NUDT4: variants seen among roughly 807,000 people sequenced by gnomAD.
NUDT4 encodes diphosphoinositol polyphosphate phosphohydrolase 2.
In NUDT4, 5 loss-of-function variants were observed where a neutral mutation model predicts 23.1. The observed-to-expected ratio is 0.22, with a 90% CI of 0.11 to 0.46. The LOEUF is 0.46. NUDT4 is among the 20% of genes least tolerant of loss of function. The probability of loss-of-function intolerance (pLI) is 0.99; values close to 1 mark genes in which losing one functional copy is unlikely to be tolerated. For missense variants in NUDT4, 96 were observed against 211.6 expected, an observed-to-expected ratio of 0.45 and a Z score of 3.39; for synonymous variants, 50 against 79.0, an observed-to-expected ratio of 0.63 and a Z score of 1.95.
In NUDT4 at chr12:93,407,362, T is replaced by C. The variant is rs1877878009; in HGVS notation, c.*7983T>C. On this transcript the variant is annotated 3_prime_UTR_variant, in exon 5 of 5. Transcript: ENST00000415493. ...ATATGGTCCCCAAAGGAAAGCCCCA[T>C]GCCATTCACTCACCACCTAATCATC... The C allele has an allele frequency of 6.6e-6, 1 of 152,214 alleles. No homozygotes were observed. The highest frequency in any genetic ancestry group is 2.1e-4 in the South Asian group (1 of 4,834). 9.4% of individuals were successfully genotyped at this position (152,214 alleles called of 1,614,324 possible).
chr12:93,383,500 TATG>T (rs1254270340), intron 1 of NUDT4, among the ~76,000 whole-genome samples: 2 of 152,212 alleles, frequency 1.3e-5, no homozygotes, highest in African/African-American at 4.8e-5. Context: ...TACCCTGATT[TATG>T]ATAATTTGGA....
chr12:93,391,145 GAA>G (rs547591581), intron 1 of NUDT4, among the ~76,000 whole-genome samples: 2 of 151,086 alleles, frequency 1.3e-5, no homozygotes, highest in Non-Finnish European at 3.0e-5. Flanking sequence ...GCATTTAAAA[GAA>G]AAAAAAATCA....
At position 93,402,966 on chromosome 12, in the gene NUDT4, A is replaced by C. The variant is rs1213349279; in HGVS notation, c.*3587A>C. The C allele has an allele frequency of 6.6e-6, 1 of 152,078 alleles. No homozygotes were observed. The highest frequency in any genetic ancestry group is 1.5e-5 in the Non-Finnish European group (1 of 68,034). 9.4% of individuals were successfully genotyped at this position (152,078 alleles called of 1,614,324 possible). On this transcript the variant is annotated 3_prime_UTR_variant, in exon 5 of 5. Transcript: ENST00000415493. ...AGGGGTTTCTTAGTTGGAGGGCATGAGAAACTTGGCCCTTTCCAATGTTGT... is the reference window on the plus strand; with the variant it reads ...AGGGGTTTCTTAGTTGGAGGGCATGCGAAACTTGGCCCTTTCCAATGTTGT...
intron 1 of NUDT4, chr12:93,381,158 A>G (rs1875633736): frequency 6.6e-6 from 1 of 152,152 alleles, no homozygotes; most frequent in Non-Finnish European, 1.5e-5. Context: ...TGTAGGGTAA[A>G]TAAGTATTAG....
At chr12:93,397,252 C>T (rs779480867) in intron 3 of NUDT4, among the ~76,000 whole-genome samples, 19 of 152,024 alleles carry the variant, frequency 1.2e-4, no homozygotes, top group Non-Finnish European at 2.1e-4. Flanking sequence ...AGAAATAAAA[C>T]AACTGATTCT....
At chr12:93,391,291 AT>A (rs1227872893) in intron 1 of NUDT4, among the ~76,000 whole-genome samples, 1 of 152,000 alleles carries the variant, frequency 6.6e-6, no homozygotes, top group Non-Finnish European at 1.5e-5. Flanking sequence ...CAGACTGGGC[AT>A]GGTGGCTTAC....
At position 93,378,725 on chromosome 12, in the gene NUDT4, A is replaced by G. The variant is rs1483426783; in HGVS notation, c.99+304A>G. 2.8e-6 allele frequency: 3 copies of G among 1,088,830 alleles called. No homozygotes were observed. The Admixed American group carries it at 1.6e-4, about 56-fold the overall frequency. The allele number at this position is 1,088,830 out of a possible 1,614,324, so 67.4% of individuals were successfully genotyped here. A position where few individuals can be genotyped will look rare whatever the true frequency, so the allele number is the denominator to read the frequency against. On this transcript the variant is annotated intron_variant, in intron 1 of 4. Coordinates refer to ENST00000415493, the MANE Select transcript of NUDT4 (RefSeq NM_019094.6). ...CTCGCCTAGCGGGAGTCACCATCTT[A>G]ACGTGCGAATTGAGTTGAAAGCCGG...
chr12:93,393,383 G>A (rs1241245532), intron 1 of NUDT4, among the ~76,000 whole-genome samples: 1 of 151,854 alleles, frequency 6.6e-6, no homozygotes, highest in South Asian at 2.1e-4. Flanking sequence ...GATTATAGAT[G>A]TGAGCCACCA....
chr12:93,378,872 C>T (rs889434075), intron 1 of NUDT4: 3 of 801,880 alleles, frequency 3.7e-6, no homozygotes, highest in Non-Finnish European at 4.5e-6. Context: ...CGGATTCGAT[C>T]TAAGCATGTT....
Position 93,395,543 on chromosome 12 carries a change from A to T in NUDT4, c.255+10A>T. 6.3e-7 allele frequency: 1 copy of T among 1,595,608 alleles called. No homozygotes were observed. The highest frequency in any genetic ancestry group is 8.6e-7 in the Non-Finnish European group (1 of 1,163,380). On this transcript the variant is annotated intron_variant, in intron 3 of 4. Transcript: ENST00000415493. ...TCTGGGCATATTTGAGGTGAGTTAA[A>T]AAGTAATCTTCACTTTGCTGATAAT...
Position 93,399,364 on chromosome 12 carries a change from A to ATC in NUDT4, c.530_531dup (p.Ser178LeufsTer3). ...CCGCTGCACAGACCTCTGGGTTGCC[A>ATC]TCTAGTGTAAGATAGAGAGAACTGG... On this transcript the variant is annotated frameshift_variant, in exon 5 of 5. Coordinates refer to ENST00000415493, the MANE Select transcript of NUDT4 (RefSeq NM_019094.6). LOFTEE classifies it high-confidence loss of function. The ATC allele has an allele frequency of 1.2e-6, 1 of 807,694 alleles. No homozygotes were observed. Among genetic ancestry groups the ATC allele is most frequent in the Non-Finnish European group, 2.0e-6 (1 of 492,082 alleles). 50.0% of individuals were successfully genotyped at this position (807,694 alleles called of 1,614,324 possible). A position where few individuals can be genotyped will look rare whatever the true frequency, so the allele number is the denominator to read the frequency against.
chr12:93,389,809 G>GA (rs1473907964), intron 1 of NUDT4, among the ~76,000 whole-genome samples: 1 of 150,474 alleles, frequency 6.6e-6, no homozygotes, highest in East Asian at 2.0e-4. Context: ...GCTGAGGGAG[G>GA]GAATTGCTTG....
At chr12:93,382,738 G>A (rs1343580591) in intron 1 of NUDT4, among the ~76,000 whole-genome samples, 2 of 143,556 alleles carry the variant, frequency 1.4e-5, no homozygotes, top group South Asian at 2.2e-4. Flanking sequence ...GTGCAGTGGC[G>A]CGATGTCAGC....
chr12:93,378,751 ATAAACCTCGAGT>A, intron 1 of NUDT4: 3 of 1,046,560 alleles, frequency 2.9e-6, no homozygotes, highest in Non-Finnish European at 3.4e-6. Context: ...TGAAAGCCGG[ATAAACCTCGAGT>A]GCTCAGCGAG....
rs1877651748 is a variant in NUDT4 at position 93,404,015 on chromosome 12, G to A, written c.*4636G>A. On this transcript the variant is annotated 3_prime_UTR_variant, in exon 5 of 5. Coordinates refer to ENST00000415493, the MANE Select transcript of NUDT4 (RefSeq NM_019094.6). ...CCGGTATTACTCTTAATGCATTTTT[G>A]TAACATTTGACAAACATCTCCCAAT... 6.6e-6 allele frequency: 1 copy of A among 152,140 alleles called. No homozygotes were observed. The highest frequency in any genetic ancestry group is 1.5e-5 in the Non-Finnish European group (1 of 68,030). 9.4% of individuals were successfully genotyped at this position (152,140 alleles called of 1,614,324 possible). A position where few individuals can be genotyped will look rare whatever the true frequency, so the allele number is the denominator to read the frequency against.
Position 93,382,674 on chromosome 12 carries a change from C to CTTTTTTTTTTTTTTTTTTTTTTT in NUDT4, c.99+4273_99+4274insTTTTTTTTTTTTTTTTTTTTTTT, listed in dbSNP as rs11315217. Among the ~76,000 whole-genome samples the CTTTTTTTTTTTTTTTTTTTTTTT allele has an allele frequency of 2.1e-4, 23 of 111,646 alleles. 1 individual carries two copies. The highest frequency in any genetic ancestry group is 5.6e-4 in the African/African-American group (16 of 28,472). 73.2% of individuals were successfully genotyped at this position (111,646 alleles called of 152,430 possible). ...AAAATAAGTACTATCCAAAGGTAGC[C>CTTTTTTTTTTTTTTTTTTTTTTT]TTTTTTTTTTTTTTTTTTTTGAGAC... On this transcript the variant is annotated intron_variant, in intron 1 of 4. Coordinates refer to ENST00000415493, the MANE Select transcript of NUDT4 (RefSeq NM_019094.6).
chr12:93,382,927 C>T (rs936387332), intron 1 of NUDT4, among the ~76,000 whole-genome samples: 3 of 152,124 alleles, frequency 2.0e-5, no homozygotes, highest in Admixed American at 1.3e-4. Flanking sequence ...TCCCAAAGTG[C>T]TGGGATTACA....
chr12:93,382,929 G>C (rs1053643335), intron 1 of NUDT4, among the ~76,000 whole-genome samples: 1 of 152,046 alleles, frequency 6.6e-6, no homozygotes, highest in African/African-American at 2.4e-5. Flanking sequence ...CCAAAGTGCT[G>C]GGATTACAGG....
At chr12:93,382,975 A>G (rs886453453) in intron 1 of NUDT4, among the ~76,000 whole-genome samples, 7 of 151,942 alleles carry the variant, frequency 4.6e-5, no homozygotes, top group Admixed American at 3.9e-4. Flanking sequence ...AGCCTTTTTT[A>G]AACACAGGGA....
Sources: gnomAD v4.1 joint callset for allele counts (sites outside exome capture counted in the v4.1 genomes callset) on GRCh38, gnomAD v4.1.1 for gene constraint, MANE v1.5 for transcripts, NCBI Gene and HGNC (gene_info 2026-07-23, HGNC 2026-07-21) for gene names.